Variants in CPA3 observed in about 807,000 individuals in gnomAD.
CPA3 encodes carboxypeptidase A3.
A neutral mutation model predicts 55.8 loss-of-function variants in CPA3; 52 were observed. The observed-to-expected ratio is 0.93, with a 90% CI of 0.75 to 1.17. The LOEUF is 1.17. CPA3 is among the 50% of genes most tolerant of loss of function. CPA3 has a pLI of 0.00. For missense variants in CPA3, 547 were observed against 509.1 expected (o/e 1.07, Z -0.72); for synonymous variants, 179 against 171.2 (o/e 1.05, Z -0.36).
rs182454734 is a variant in CPA3, at chr3:148,895,174, G to A, written c.1067-1346G>A. 8.5e-4 allele frequency among the ~76,000 whole-genome samples: 130 copies of A among 152,212 alleles called. 1 individual carries two copies. Among genetic ancestry groups the A allele is most frequent in the Admixed American group, 1.4e-3 (22 of 15,284 alleles). On this transcript the variant is annotated intron_variant, in intron 10 of 10. Transcript: ENST00000296046. ...TAAACACCTAGTCCCGATTCACAAG[G>A]TTTTCCAAGCTTTACTCACAAACTC...
At position 148,896,786 on chromosome 3, in the gene CPA3, C is replaced by A; in HGVS notation, c.*79C>A. On this transcript the variant is annotated 3_prime_UTR_variant, in exon 11 of 11. Transcript: ENST00000296046. ...CAGAAAGTCAATCTTCAGTTATCCC[C>A]AAATGCAGCTTCTATTTCACCTGAA... is the stretch of plus-strand genomic sequence containing the variant. 1 of 1,172,382 alleles carries A rather than the reference C, an allele frequency of 8.5e-7. No homozygotes were observed. Among genetic ancestry groups the A allele is most frequent in the Non-Finnish European group, 1.2e-6 (1 of 857,096 alleles). 72.6% of individuals were successfully genotyped at this position (1,172,382 alleles called of 1,614,324 possible). A position where few individuals can be genotyped will look rare whatever the true frequency, so the allele number is the denominator to read the frequency against.
chr3:148,869,144 G>A (rs1410831699), intron 3 of CPA3, 105 bp downstream of exon 3: 6 of 1,276,382 alleles, frequency 4.7e-6, no homozygotes, highest in East Asian at 4.9e-5. Flanking sequence ...GGGCCCCCCA[G>A]AACGAAAGCT....
intron 9 of CPA3, among the ~76,000 whole-genome samples, chr3:148,885,061 G>A (rs538199452): frequency 3.0e-4 from 46 of 152,044 alleles, no homozygotes; most frequent in South Asian, 6.2e-4. Flanking sequence ...AAACACTAAC[G>A]TGTATTAAAA....
At position 148,873,399 on chromosome 3, in the gene CPA3, A is replaced by C. The variant is rs374231829; in HGVS notation, c.269+4360A>C. ...CGCGCACACACACACACACACACAC[A>C]CCCCAGAGCCTACGATAGTCACATA... On this transcript the variant is annotated intron_variant, in intron 3 of 10. Transcript: ENST00000296046. 2.1e-3 allele frequency among the ~76,000 whole-genome samples: 316 copies of C among 151,522 alleles called. 2 individuals are homozygous for C. Among genetic ancestry groups the C allele is most frequent in the South Asian group, 4.2e-3 (20 of 4,776 alleles).
At chr3:148,882,908 G>A (rs1057372614) in intron 8 of CPA3, among the ~76,000 whole-genome samples, 1 of 152,120 alleles carries the variant, frequency 6.6e-6, no homozygotes, top group African/African-American at 2.4e-5. Context: ...TCTGCTTCCT[G>A]ATGTGAGAAA....
chr3:148,877,828 C>T (rs1714249110), intron 3 of CPA3, among the ~76,000 whole-genome samples: 1 of 152,014 alleles, frequency 6.6e-6, no homozygotes, highest in African/African-American at 2.4e-5. Context: ...CAAGTTTCTC[C>T]CAGCTCAGAA....
intron 10 of CPA3, among the ~76,000 whole-genome samples, chr3:148,894,472 A>C (rs903818962): frequency 1.2e-4 from 18 of 152,178 alleles, no homozygotes; most frequent in Non-Finnish European, 1.8e-4. Context: ...AAGAACAAAA[A>C]AAAAAAAAGA....
chr3:148,881,488 T>A, intron 6 of CPA3, 34 bp from the exon 7 acceptor site: 3 of 1,347,722 alleles, frequency 2.2e-6, no homozygotes, highest in Non-Finnish European at 3.2e-6. Context: ...CTAAACTTCA[T>A]ACCAATAGCT....
chr3:148,868,158 G>T (rs1713958678), intron 2 of CPA3, among the ~76,000 whole-genome samples: 1 of 152,116 alleles, frequency 6.6e-6, no homozygotes, highest in Non-Finnish European at 1.5e-5. Flanking sequence ...CTTCCAAAGT[G>T]CTGGGATTAC....
chr3:148,873,344 A>T (rs1426565833), intron 3 of CPA3, among the ~76,000 whole-genome samples: 4 of 148,630 alleles, frequency 2.7e-5, no homozygotes, highest in Non-Finnish European at 3.0e-5. Context: ...TTCCTGAAAC[A>T]TCTTTCCCCA....
In CPA3 at chr3:148,866,605, G is replaced by A. The variant is rs147133489; in HGVS notation, c.144+1057G>A. Reference sequence around the variant, plus strand: ...GCTCTACGCTAGCTCTGTAGCCTTAGGCAACTTACTCAACATCTCTGGGTC... The same window carrying A: ...GCTCTACGCTAGCTCTGTAGCCTTAAGCAACTTACTCAACATCTCTGGGTC... On this transcript the variant is annotated intron_variant, in intron 2 of 10. Transcript: ENST00000296046. 2.0e-3 allele frequency among the ~76,000 whole-genome samples: 311 copies of A among 152,324 alleles called. 1 individual carries two copies. Among genetic ancestry groups the A allele is most frequent in the Admixed American group, 4.5e-3 (69 of 15,296 alleles).
At chr3:148,866,741 G>A (rs994601681) in intron 2 of CPA3, among the ~76,000 whole-genome samples, 2 of 152,042 alleles carry the variant, frequency 1.3e-5, no homozygotes, top group Non-Finnish European at 2.9e-5. Flanking sequence ...GCCATATTAA[G>A]CACCATAGAA....
intron 10 of CPA3, among the ~76,000 whole-genome samples, chr3:148,890,238 T>A (rs1366451234): frequency 2.0e-5 from 3 of 152,238 alleles, no homozygotes; most frequent in African/African-American, 7.2e-5. Flanking sequence ...TATATTTGCA[T>A]ATAAACAGCA....
At chr3:148,891,969 T>C (rs1714683484) in intron 10 of CPA3, among the ~76,000 whole-genome samples, 1 of 152,222 alleles carries the variant, frequency 6.6e-6, no homozygotes, top group African/African-American at 2.4e-5. Context: ...TGGCAATCTG[T>C]TTGATCACTG....
Position 148,869,016 on chromosome 3 carries a change from G to A in CPA3, c.246G>A (p.Leu82=), listed in dbSNP as rs114531478. The A allele has an allele frequency of 5.1e-4, 822 of 1,613,794 alleles. 4 individuals are homozygous for A. In the African/African-American group the frequency reaches 0.01, roughly 20 times the overall value. The change falls in exon 3 of 11, where the codon TTG becomes TTA. Residue 82 remains leucine (L), a synonymous_variant. Transcript: ENST00000296046. ...EKESQAIQSA[L]DQNKMHYEIL... ...AATCCCAAGCCATCCAGTCTGCCTT[G>A]GATCAAAATAAAATGCACTATGAGT...
At chr3:148,890,456 A>G (rs1246150731) in intron 10 of CPA3, among the ~76,000 whole-genome samples, 1 of 152,164 alleles carries the variant, frequency 6.6e-6, no homozygotes, top group Non-Finnish European at 1.5e-5. Context: ...TTCTCAACCC[A>G]GTGCTCTTTT....
chr3:148,896,148 GTATAGTTTTTCCCT>G (rs2108042120), intron 10 of CPA3, among the ~76,000 whole-genome samples: 1 of 129,140 alleles, frequency 7.7e-6, no homozygotes, highest in East Asian at 2.3e-4. Flanking sequence ...TATCTTGTGT[GTATAGTTTTTCCCT>G]GGTGGTTTTC....
rs1247006810 is a variant in CPA3 at position 148,878,456 on chromosome 3, T to C, written c.285T>C (p.Asp95=). ...NKMHYEILIH[D]LQEEIEKQFD... is the part of the protein sequence containing the mutation. ...TGTCAAACAGAATCTTGATTCATGA[T>C]CTACAAGAAGAGATTGAGAAACAGT... Residue 95 remains aspartate, a synonymous_variant, in exon 4 of 11, where the codon GAT becomes GAC. Transcript: ENST00000296046. 6.2e-7 allele frequency: 1 copy of C among 1,609,668 alleles called. No individual in the cohort carries two copies. The highest frequency in any genetic ancestry group is 8.5e-7 in the Non-Finnish European group (1 of 1,176,074).
chr3:148,875,332 A>C (rs1714176404), intron 3 of CPA3, among the ~76,000 whole-genome samples: 1 of 152,222 alleles, frequency 6.6e-6, no homozygotes, highest in Non-Finnish European at 1.5e-5. Flanking sequence ...CCAAATAAGA[A>C]AATTGTTCAG....
Sources: allele counts gnomAD v4.1 joint callset (sites outside exome capture counted in the v4.1 genomes callset), GRCh38; gene constraint gnomAD v4.1.1; transcripts MANE v1.5; gene names NCBI Gene and HGNC (gene_info 2026-07-23, HGNC 2026-07-21).